Variants in SAMD12 observed in about 807,000 individuals in gnomAD.
SAMD12 encodes the protein sterile alpha motif domain-containing protein 12.
Under a neutral mutation model 15.0 loss-of-function variants are expected in SAMD12, and 9 were observed. That is an observed-to-expected ratio of 0.60 (90% CI 0.36 to 1.05). SAMD12 has a LOEUF of 1.05. Ranked by LOEUF, SAMD12 falls within the 50% of genes least tolerant of loss-of-function variation. The pLI is 0.01. For synonymous variants in SAMD12, 86 were observed against 90.1 expected (o/e 0.96, Z 0.25); for missense variants, 230 against 234.2 (o/e 0.98, Z 0.12).
chr8:118,616,816 C>T (rs1828250282), intron 1 of SAMD12, among the ~76,000 whole-genome samples: 1 of 152,212 alleles, frequency 6.6e-6, no homozygotes, highest in Admixed American at 6.5e-5. Context: ...GCAAGCATTA[C>T]CACCCAAGCT....
At chr8:118,208,248 ACT>A (rs958445033) in intron 4 of SAMD12, among the ~76,000 whole-genome samples, 39 of 152,314 alleles carry the variant, frequency 2.6e-4, no homozygotes, top group African/African-American at 9.4e-4. Context: ...CAAGAGCGAA[ACT>A]CTGTCTCAAA....
chr8:118,301,320 A>G (rs920500655), intron 4 of SAMD12, among the ~76,000 whole-genome samples: 5 of 152,188 alleles, frequency 3.3e-5, no homozygotes, highest in Admixed American at 6.5e-5. Context: ...TGTGAAGGAA[A>G]AATTCAAAAA....
At chr8:118,150,519 G>A in the SAMD12 span, among the ~76,000 whole-genome samples, 64 of 152,034 alleles carry the variant, frequency 4.2e-4, 1 homozygote, top group South Asian at 8.9e-3. Context: ...TAGCTAGAAG[G>A]CACCCAGCTA....
chr8:118,459,233 T>G (rs187198952), intron 2 of SAMD12, among the ~76,000 whole-genome samples: 1 of 152,144 alleles, frequency 6.6e-6, no homozygotes, highest in East Asian at 1.9e-4. Context: ...ACTTGGCTAC[T>G]TCTTGTATTT....
chr8:118,287,000 C>CCTACT (rs2130213054), intron 4 of SAMD12, among the ~76,000 whole-genome samples: 1 of 152,256 alleles, frequency 6.6e-6, no homozygotes, highest in South Asian at 2.1e-4. Context: ...TTCCTATGAC[C>CCTACT]CTACACATTT....
intron 4 of SAMD12, among the ~76,000 whole-genome samples, chr8:118,275,849 G>C (rs1813462242): frequency 6.6e-6 from 1 of 152,162 alleles, no homozygotes; most frequent in Admixed American, 6.5e-5. Flanking sequence ...TAGGATAATG[G>C]CCTCTAGCTA....
chr8:118,480,823 T>G (rs1446355100), intron 2 of SAMD12, among the ~76,000 whole-genome samples: 1 of 152,222 alleles, frequency 6.6e-6, no homozygotes, highest in Non-Finnish European at 1.5e-5. Context: ...CATCTCCAGT[T>G]CCCTGAAGGC....
intron 4 of SAMD12, among the ~76,000 whole-genome samples, chr8:118,310,129 C>T (rs958032202): frequency 6.6e-6 from 1 of 152,156 alleles, no homozygotes; most frequent in Non-Finnish European, 1.5e-5. Flanking sequence ...TGTTTTTCTT[C>T]TATGTGCCTC....
At chr8:118,586,123 A>G (rs931167719) in intron 1 of SAMD12, among the ~76,000 whole-genome samples, 3 of 152,064 alleles carry the variant, frequency 2.0e-5, no homozygotes, top group African/African-American at 7.2e-5. Flanking sequence ...CAACCAAGGA[A>G]CCCCCACATA....
At chr8:118,302,373 T>C (rs1815096131) in intron 4 of SAMD12, among the ~76,000 whole-genome samples, 1 of 152,202 alleles carries the variant, frequency 6.6e-6, no homozygotes, top group Non-Finnish European at 1.5e-5. Flanking sequence ...ACATTAGCTC[T>C]GATTTCAAAG....
intron 2 of SAMD12, among the ~76,000 whole-genome samples, chr8:118,504,265 G>A (rs149919027): frequency 6.6e-6 from 1 of 152,154 alleles, no homozygotes; most frequent in Non-Finnish European, 1.5e-5. Context: ...CCTAGACCAG[G>A]CATCATAAAG....
chr8:118,351,363 A>C (rs1272700972), intron 4 of SAMD12, among the ~76,000 whole-genome samples: 3 of 152,162 alleles, frequency 2.0e-5, no homozygotes, highest in Non-Finnish European at 4.4e-5. Flanking sequence ...GTTCCTGTCC[A>C]GGGAATTTGG....
chr8:118,172,106 G>T, the SAMD12 span, among the ~76,000 whole-genome samples: 2 of 152,084 alleles, frequency 1.3e-5, no homozygotes, highest in Non-Finnish European at 2.9e-5. Flanking sequence ...GGCCTGTCGT[G>T]GGGTAGGGGG....
chr8:118,169,402 G>T, the SAMD12 span, among the ~76,000 whole-genome samples: 1 of 151,934 alleles, frequency 6.6e-6, no homozygotes, highest in Non-Finnish European at 1.5e-5. Context: ...TACCAAGAAT[G>T]ATACACTTTC....
At chr8:118,328,284 C>T (rs889050687) in intron 4 of SAMD12, among the ~76,000 whole-genome samples, 1 of 152,166 alleles carries the variant, frequency 6.6e-6, no homozygotes, top group African/African-American at 2.4e-5. Flanking sequence ...TTCATACCAA[C>T]TTATTTCTAG....
At chr8:118,281,680 T>C (rs1398523259) in intron 4 of SAMD12, among the ~76,000 whole-genome samples, 1 of 152,168 alleles carries the variant, frequency 6.6e-6, no homozygotes. Context: ...GCATGGGGAA[T>C]AGTTCTAAAC....
chr8:118,486,734 T>C (rs964671391), intron 2 of SAMD12, among the ~76,000 whole-genome samples: 1 of 151,998 alleles, frequency 6.6e-6, no homozygotes, highest in African/African-American at 2.4e-5. Flanking sequence ...TAAAAAAATA[T>C]ACCGTAGGCA....
chr8:118,255,417 A>C (rs1308227386), intron 4 of SAMD12, among the ~76,000 whole-genome samples: 1 of 151,770 alleles, frequency 6.6e-6, no homozygotes, highest in East Asian at 2.0e-4. Flanking sequence ...GGTTAGTTAC[A>C]TATGTATACA....
chr8:118,259,040 T>G (rs987739245), intron 4 of SAMD12, among the ~76,000 whole-genome samples: 1 of 152,118 alleles, frequency 6.6e-6, no homozygotes, highest in Admixed American at 6.6e-5. Context: ...ATTAGTACAC[T>G]TTGATACTTA....
Sources: gnomAD v4.1 joint callset for allele counts (sites outside exome capture counted in the v4.1 genomes callset) on GRCh38, gnomAD v4.1.1 for gene constraint, MANE v1.5 for transcripts, NCBI Gene and HGNC (gene_info 2026-07-23, HGNC 2026-07-21) for gene names.